The following CFAP54 variants were observed in gnomAD, a reference collection of about 807,000 sequenced individuals.
CFAP54 encodes cilia- and flagella-associated protein 54.
In CFAP54, 290 loss-of-function variants were observed where a neutral mutation model predicts 370.4. The ratio of observed to expected loss-of-function variants is 0.78; its 90% CI spans 0.71 to 0.86. The LOEUF is 0.86. Ranked by LOEUF, CFAP54 falls within the 40% of genes least tolerant of loss-of-function variation. The probability of loss-of-function intolerance (pLI) is 0.00; values close to 1 mark genes in which losing one functional copy is unlikely to be tolerated. For missense variants in CFAP54, 3,399 were observed against 3,528.7 expected (o/e 0.96, Z 0.93); for synonymous variants, 1,206 against 1,236.5 (o/e 0.98, Z 0.52).
At chr12:96,735,404 C>T (rs1286742072) in intron 50 of CFAP54, among the ~76,000 whole-genome samples, 1 of 152,110 alleles carries the variant, frequency 6.6e-6, no homozygotes, top group African/African-American at 2.4e-5. Flanking sequence ...GGTTCACTAT[C>T]CAAAAACCTC....
intron 48 of CFAP54, among the ~76,000 whole-genome samples, chr12:96,712,251 T>A (rs967312374): frequency 6.6e-6 from 1 of 152,150 alleles, no homozygotes; most frequent in Non-Finnish European, 1.5e-5. Context: ...AGATGTTATA[T>A]CCTTTGTAAG....
chr12:96,645,168 G>T, intron 33 of CFAP54: 1 of 456,580 alleles, frequency 2.2e-6, no homozygotes, highest in South Asian at 1.5e-5. Context: ...ACATTTTTAA[G>T]CACTTACTGA....
chr12:96,511,704 G>A (rs994763412), intron 4 of CFAP54, among the ~76,000 whole-genome samples: 1 of 152,132 alleles, frequency 6.6e-6, no homozygotes, highest in Non-Finnish European at 1.5e-5. Context: ...GGCTGGTCTC[G>A]AATTCCTGAC....
chr12:96,825,300 T>A (rs571047913), intron 65 of CFAP54, among the ~76,000 whole-genome samples: 1,300 of 127,420 alleles, frequency 0.01, 17 homozygotes, highest in Non-Finnish European at 0.015. Context: ...ATATAATATA[T>A]TATATATATA....
intron 19 of CFAP54, 95 bp from the exon 20 acceptor site, chr12:96,576,490 A>G: frequency 1.0e-6 from 1 of 968,262 alleles, no homozygotes; most frequent in Non-Finnish European, 1.4e-6. Context: ...CTGCATATAA[A>G]AATATAACAT....
At chr12:96,740,444 T>C (rs948311273) in intron 51 of CFAP54, among the ~76,000 whole-genome samples, 3 of 152,248 alleles carry the variant, frequency 2.0e-5, no homozygotes, top group African/African-American at 4.8e-5. Flanking sequence ...GTCAGATACC[T>C]GGGCTGTTTC....
chr12:96,714,239 G>A (rs1957648762), intron 48 of CFAP54, among the ~76,000 whole-genome samples: 1 of 152,204 alleles, frequency 6.6e-6, no homozygotes, highest in Non-Finnish European at 1.5e-5. Context: ...TACCTTGAAG[G>A]TGGAGTCAAA....
chr12:96,787,470 A>G (rs1035354766), intron 62 of CFAP54, among the ~76,000 whole-genome samples: 4 of 152,232 alleles, frequency 2.6e-5, no homozygotes, highest in African/African-American at 7.2e-5. Context: ...AGAGACATAA[A>G]AAGAGGAATA....
chr12:96,565,441 G>A (rs1255056775), intron 19 of CFAP54, among the ~76,000 whole-genome samples: 2 of 151,994 alleles, frequency 1.3e-5, no homozygotes, highest in African/African-American at 4.8e-5. Context: ...TAGTATGCTG[G>A]CATTGGCTGA....
In CFAP54 at chr12:96,875,373, C is replaced by T. The variant is rs1421300852; in HGVS notation, c.*270C>T. 1 of 152,134 alleles carries T rather than the reference C, an allele frequency of 6.6e-6. No individual in the cohort carries two copies. The highest frequency in any genetic ancestry group is 1.5e-5 in the Non-Finnish European group (1 of 68,034). 9.4% of individuals were successfully genotyped at this position (152,134 alleles called of 1,614,324 possible). ...TGCAGCTTCATAGGTGTTTCAGCTC[C>T]CAGTAGGGCAGTTTAACTCCTATCT... On this transcript the variant is annotated 3_prime_UTR_variant, in exon 68 of 68. Transcript: ENST00000524981.
At chr12:96,771,517 T>G (rs1298045310) in intron 60 of CFAP54, among the ~76,000 whole-genome samples, 1 of 152,080 alleles carries the variant, frequency 6.6e-6, no homozygotes, top group African/African-American at 2.4e-5. Context: ...CCAGGCGCGG[T>G]GGTGGGCCCC....
At chr12:96,651,480 G>C (rs1259233908) in intron 35 of CFAP54, 108 bp from the exon 36 acceptor site, 1 of 834,464 alleles carries the variant, frequency 1.2e-6, no homozygotes, top group East Asian at 2.6e-5. Flanking sequence ...AACAAATGAT[G>C]TTAGTTATTT....
At chr12:96,782,313 CCTACCCTGCA>C (rs1281811101) in intron 60 of CFAP54, among the ~76,000 whole-genome samples, 1 of 151,910 alleles carries the variant, frequency 6.6e-6, no homozygotes, top group African/African-American at 2.4e-5. Flanking sequence ...TTCTGGAAGT[CCTACCCTGCA>C]CAATAATATA....
chr12:96,821,825 TCTAA>T (rs1376802521), intron 65 of CFAP54, among the ~76,000 whole-genome samples: 2 of 152,070 alleles, frequency 1.3e-5, no homozygotes, highest in Admixed American at 6.6e-5. Flanking sequence ...GTAGGACACT[TCTAA>T]AAGAGATCAA....
rs200335042 is a variant in CFAP54 at position 96,693,733 on chromosome 12, C to T, written c.6276C>T (p.Leu2092=). 1 of 1,587,266 alleles carries T rather than the reference C, an allele frequency of 6.3e-7. No homozygotes were observed. The highest frequency in any genetic ancestry group is 8.6e-7 in the Non-Finnish European group (1 of 1,159,492). The change falls in exon 45 of 68, where the codon CTC becomes CTT. Residue 2092 remains leucine, a synonymous_variant. Coordinates refer to ENST00000524981, the MANE Select transcript of CFAP54 (RefSeq NM_001306084.2). The stretch of plus-strand genomic sequence containing the variant: ...TTTTCTCCTGATAGGTTCTGCCTCT[C>T]CTTGCATTGTATCAATATTTTGTTT... ...FVRQNLIVLP[L]LALYQYFVSG...
Position 96,592,610 on chromosome 12 carries a change from A to G in CFAP54, c.3333A>G (p.Lys1111=). 8.2e-7 allele frequency: 1 copy of G among 1,214,506 alleles called. No homozygotes were observed. Among genetic ancestry groups the G allele is most frequent in the Non-Finnish European group, 1.1e-6 (1 of 909,656 alleles). The allele number at this position is 1,214,506 out of a possible 1,614,324, so 75.2% of individuals were successfully genotyped here. The part of the protein sequence containing the change: ...KEENLFCDNI[K]GNEIFPSQQI... ...AAAATCTTTTCTGTGATAATATTAA[A>G]GGCAATGAGATTTTCCCATCTCAAC... Residue 1111 remains lysine (K), a synonymous_variant, in exon 24 of 68, where the codon AAA becomes AAG. Transcript: ENST00000524981.
At chr12:96,651,110 C>T (rs148091160) in intron 35 of CFAP54, among the ~76,000 whole-genome samples, 1 of 152,328 alleles carries the variant, frequency 6.6e-6, no homozygotes, top group East Asian at 1.9e-4. Flanking sequence ...TCTTTCCTGA[C>T]CACCCTGTCT....
chr12:96,643,023 G>A (rs1481529567), intron 32 of CFAP54, among the ~76,000 whole-genome samples: 2 of 152,154 alleles, frequency 1.3e-5, no homozygotes, highest in Admixed American at 6.6e-5. Context: ...TCCATGGCAA[G>A]GAAGATGCAA....
At chr12:96,640,135 A>G (rs1020774388) in intron 32 of CFAP54, among the ~76,000 whole-genome samples, 3 of 151,962 alleles carry the variant, frequency 2.0e-5, no homozygotes, top group Admixed American at 6.6e-5. Flanking sequence ...GAGGAAGTCA[A>G]ATTGTCCCTG....
Sources: allele counts gnomAD v4.1 joint callset (sites outside exome capture counted in the v4.1 genomes callset), GRCh38; gene constraint gnomAD v4.1.1; transcripts MANE v1.5; gene names NCBI Gene and HGNC (gene_info 2026-07-23, HGNC 2026-07-21).